The following OSBPL6 variants were observed in gnomAD, a reference collection of about 807,000 sequenced individuals.
The protein encoded by OSBPL6 is oxysterol-binding protein-related protein 6.
A neutral mutation model predicts 125.8 loss-of-function variants in OSBPL6; 49 were observed. The observed-to-expected ratio is 0.39, with a 90% CI of 0.31 to 0.49. The LOEUF (loss-of-function observed/expected upper bound fraction) is 0.49, where lower values mean the gene tolerates loss of function less well. Among genes scored for constraint, OSBPL6 ranks in the 20% least tolerant of loss-of-function variants. OSBPL6 has a pLI of 0.88. For synonymous variants in OSBPL6, 394 were observed against 391.8 expected (o/e 1.01, Z -0.07); for missense variants, 986 against 1,135.4 (o/e 0.87, Z 1.89).
Position 178,355,928 on chromosome 2 carries a change from TC to T in OSBPL6, c.1154-5753del, listed in dbSNP as rs1437013646. Among the ~76,000 whole-genome samples the T allele has an allele frequency of 7.9e-5, 12 of 152,366 alleles. No individual in the cohort carries two copies. In the East Asian group the frequency reaches 2.3e-3, roughly 29 times the overall value. On this transcript the variant is annotated intron_variant, in intron 12 of 24. Transcript: ENST00000190611. ...TTCATCCCTGGGATGCAAGGCTGGTTCAACATATGCAAATCAATAAACGTAA... is the reference window on the plus strand; with the variant it reads ...TTCATCCCTGGGATGCAAGGCTGGTTAACATATGCAAATCAATAAACGTAA...
chr2:178,338,274 GT>G (rs79923502), intron 9 of OSBPL6, among the ~76,000 whole-genome samples: 15 of 149,138 alleles, frequency 1.0e-4, no homozygotes, highest in South Asian at 2.1e-4. Context: ...TTAAAGGTCA[GT>G]TTTTTTTTTA....
chr2:178,395,345 C>T lies in OSBPL6; in HGVS notation c.2697-106C>T, dbSNP rs1042143758. 1.6e-5 allele frequency: 11 copies of T among 702,784 alleles called. No individual in the cohort carries two copies. The South Asian group carries it at 1.8e-4, about 11-fold the overall frequency. 43.5% of individuals were successfully genotyped at this position (702,784 alleles called of 1,614,324 possible). A position where few individuals can be genotyped will look rare whatever the true frequency, so the allele number is the denominator to read the frequency against. ...AGCTAGCAGATAAGATACTAACTGG[C>T]TTACAAACACTGCTTATATGTCCAT... is the stretch of plus-strand genomic sequence containing the variant. On this transcript the variant is annotated intron_variant, in intron 24 of 24. Transcript: ENST00000190611.
chr2:178,204,025 C>CTTTTTTTTTTTTT (rs1166160655), intron 1 of OSBPL6, among the ~76,000 whole-genome samples: 14 of 128,988 alleles, frequency 1.1e-4, no homozygotes, highest in South Asian at 2.5e-4. Context: ...TTTTCTTTTT[C>CTTTTTTTTTTTTT]TTTTTTTTTT....
intron 1 of OSBPL6, among the ~76,000 whole-genome samples, chr2:178,207,770 A>G (rs1234582418): frequency 6.6e-6 from 1 of 152,184 alleles, no homozygotes; most frequent in Non-Finnish European, 1.5e-5. Flanking sequence ...GTATTTTGAA[A>G]GAAACTTGAG....
intron 15 of OSBPL6, among the ~76,000 whole-genome samples, chr2:178,376,218 G>A (rs1693859436): frequency 6.6e-6 from 1 of 152,040 alleles, no homozygotes; most frequent in Non-Finnish European, 1.5e-5. Context: ...CTCTAATTCA[G>A]CACGTCCCAA....
At chr2:178,360,309 T>C (rs1481564831) in intron 12 of OSBPL6, among the ~76,000 whole-genome samples, 1 of 152,166 alleles carries the variant, frequency 6.6e-6, no homozygotes, top group Non-Finnish European at 1.5e-5. Flanking sequence ...TAGTTAATAA[T>C]AGTGTGTTAT....
chr2:178,264,883 A>T (rs1327260813), intron 1 of OSBPL6, among the ~76,000 whole-genome samples: 6 of 151,746 alleles, frequency 4.0e-5, no homozygotes, highest in Admixed American at 6.6e-5. Context: ...GGATACCAGG[A>T]TACTTTTTTT....
At chr2:178,202,605 C>T (rs1042481862) in intron 1 of OSBPL6, among the ~76,000 whole-genome samples, 3 of 151,890 alleles carry the variant, frequency 2.0e-5, no homozygotes, top group Admixed American at 6.6e-5. Flanking sequence ...GCAGATCACT[C>T]GAGGTCAGGA....
At chr2:178,224,346 T>G (rs111878275) in intron 1 of OSBPL6, among the ~76,000 whole-genome samples, 4 of 152,046 alleles carry the variant, frequency 2.6e-5, no homozygotes, top group Non-Finnish European at 4.4e-5. Flanking sequence ...TGAAAAGTTA[T>G]GTTTAGAAAA....
chr2:178,339,459 C>T lies in OSBPL6; in HGVS notation c.895-213C>T, dbSNP rs575447247. On this transcript the variant is annotated intron_variant, in intron 10 of 24. Coordinates refer to ENST00000190611, the MANE Select transcript of OSBPL6 (RefSeq NM_032523.4). ...AGCTAGAGATTTCTAATCCTGTATT[C>T]ATTTTGTTTATCAGTAAAATATATT... Among the ~76,000 whole-genome samples, 46 of 152,172 alleles carry T rather than the reference C, an allele frequency of 3.0e-4. No homozygotes were observed. In the East Asian group the frequency reaches 3.7e-3, roughly 12 times the overall value.
chr2:178,392,370 A>G (rs1465231668), intron 22 of OSBPL6, 42 bp from the exon 23 acceptor site: 2 of 1,609,010 alleles, frequency 1.2e-6, no homozygotes, highest in Admixed American at 1.7e-5. Context: ...CCAGTTCCAT[A>G]AACCTTCTGC....
intron 13 of OSBPL6, among the ~76,000 whole-genome samples, chr2:178,371,527 T>G (rs1331312542): frequency 6.6e-6 from 1 of 152,214 alleles, no homozygotes; most frequent in African/African-American, 2.4e-5. Flanking sequence ...GTGTCTACAC[T>G]GTTGAGTGAA....
intron 1 of OSBPL6, among the ~76,000 whole-genome samples, chr2:178,214,150 A>C (rs548556527): frequency 1.1e-4 from 17 of 152,292 alleles, no homozygotes; most frequent in Admixed American, 9.8e-4. Flanking sequence ...AATATTTGCC[A>C]ACTGAATGTG....
intron 1 of OSBPL6, among the ~76,000 whole-genome samples, chr2:178,237,271 T>C (rs1400518739): frequency 6.6e-6 from 1 of 152,218 alleles, no homozygotes; most frequent in Non-Finnish European, 1.5e-5. Flanking sequence ...TCTGTCCCCA[T>C]ATCTCTGCAG....
chr2:178,227,578 A>G (rs965357051), intron 1 of OSBPL6, among the ~76,000 whole-genome samples: 16 of 152,334 alleles, frequency 1.1e-4, no homozygotes, highest in Non-Finnish European at 4.4e-5. Context: ...GGTTGGATAA[A>G]CTGTGGTATA....
At chr2:178,218,310 A>G (rs958556230) in intron 1 of OSBPL6, among the ~76,000 whole-genome samples, 1 of 152,068 alleles carries the variant, frequency 6.6e-6, no homozygotes, top group East Asian at 1.9e-4. Context: ...CCTCAGATGT[A>G]AATTCAGGAT....
intron 13 of OSBPL6, among the ~76,000 whole-genome samples, chr2:178,365,902 T>C (rs1473202483): frequency 6.6e-6 from 1 of 152,088 alleles, no homozygotes; most frequent in Non-Finnish European, 1.5e-5. Context: ...TGTTTGTTTG[T>C]TTTTTGGAGG....
chr2:178,343,370 G>T (rs1385483845), intron 11 of OSBPL6, among the ~76,000 whole-genome samples: 1 of 151,906 alleles, frequency 6.6e-6, no homozygotes, highest in Non-Finnish European at 1.5e-5. Flanking sequence ...CTGGGCAACA[G>T]AGTGAGACCC....
At chr2:178,262,224 T>TA (rs1158219902) in intron 1 of OSBPL6, among the ~76,000 whole-genome samples, 2 of 152,174 alleles carry the variant, frequency 1.3e-5, no homozygotes, top group Admixed American at 6.5e-5. Flanking sequence ...TTTGCTTTGC[T>TA]AAAAAATCTC....
Sources: allele counts gnomAD v4.1 joint callset (sites outside exome capture counted in the v4.1 genomes callset), GRCh38; gene constraint gnomAD v4.1.1; transcripts MANE v1.5; gene names NCBI Gene and HGNC (gene_info 2026-07-23, HGNC 2026-07-21).